MCTP1: variants seen among roughly 807,000 people sequenced by gnomAD.
The protein encoded by MCTP1 is multiple C2 and transmembrane domain-containing protein 1.
Under a neutral mutation model 120.6 loss-of-function variants are expected in MCTP1, and 69 were observed. That is an observed-to-expected ratio of 0.57 (90% CI 0.47 to 0.70). The LOEUF is 0.70. MCTP1 is among the 30% of genes least tolerant of loss of function. The pLI is 0.00. For synonymous variants in MCTP1, 529 were observed against 493.1 expected (o/e 1.07, Z -0.96); for missense variants, 1,203 against 1,248.8 (o/e 0.96, Z 0.55).
chr5:95,179,261 G>A (rs1378460297), intron 1 of MCTP1, among the ~76,000 whole-genome samples: 1 of 152,154 alleles, frequency 6.6e-6, no homozygotes, highest in Non-Finnish European at 1.5e-5. Flanking sequence ...ACACATTTCA[G>A]GGAATAATCA....
chr5:95,232,498 G>A (rs1052442070), intron 1 of MCTP1, among the ~76,000 whole-genome samples: 12 of 139,602 alleles, frequency 8.6e-5, no homozygotes, highest in South Asian at 4.4e-4. Context: ...TCCCTCTGTC[G>A]CCCAGGCTGG....
chr5:94,709,243 G>A (rs1755858362), intron 21 of MCTP1: 2 of 151,942 alleles, frequency 1.3e-5, no homozygotes, highest in Admixed American at 1.3e-4. Context: ...ATAAACTTCT[G>A]GAATCTTGAT....
chr5:95,002,930 C>A (rs147398434), intron 2 of MCTP1, among the ~76,000 whole-genome samples: 3 of 152,148 alleles, frequency 2.0e-5, no homozygotes, highest in African/African-American at 7.2e-5. Flanking sequence ...TCCCATAATC[C>A]CCACATGTCA....
chr5:95,241,247 C>G (rs183435067), intron 1 of MCTP1, among the ~76,000 whole-genome samples: 2 of 152,230 alleles, frequency 1.3e-5, no homozygotes, highest in African/African-American at 4.8e-5. Context: ...AATGTGCATC[C>G]AAAACATTGA....
intron 17 of MCTP1, among the ~76,000 whole-genome samples, chr5:94,808,093 C>T (rs1782714587): frequency 6.6e-6 from 1 of 152,108 alleles, no homozygotes; most frequent in Non-Finnish European, 1.5e-5. Flanking sequence ...TGCCCATTTA[C>T]ACTCACTCAA....
intron 1 of MCTP1, among the ~76,000 whole-genome samples, chr5:95,095,172 C>T (rs1351060324): frequency 7.3e-5 from 11 of 150,462 alleles, no homozygotes; most frequent in African/African-American, 2.4e-4. Flanking sequence ...TACAGGCGCC[C>T]GCTACCACGC....
chr5:95,010,976 C>T (rs1835817605), intron 2 of MCTP1, among the ~76,000 whole-genome samples: 1 of 152,120 alleles, frequency 6.6e-6, no homozygotes, highest in South Asian at 2.1e-4. Context: ...TACATTGAGG[C>T]TTTGCACTTT....
intron 1 of MCTP1, among the ~76,000 whole-genome samples, chr5:95,101,856 C>T (rs1412535555): frequency 6.6e-6 from 1 of 152,166 alleles, no homozygotes; most frequent in East Asian, 1.9e-4. Context: ...TAAAGAGCTT[C>T]AGTGCTTTCC....
intron 17 of MCTP1, among the ~76,000 whole-genome samples, chr5:94,864,700 C>T (rs1362364702): frequency 6.6e-6 from 1 of 151,918 alleles, no homozygotes; most frequent in Non-Finnish European, 1.5e-5. Flanking sequence ...GATGGTACCA[C>T]AAATTATCTA....
intron 1 of MCTP1, among the ~76,000 whole-genome samples, chr5:95,188,528 A>G (rs1582478482): frequency 6.6e-6 from 1 of 152,338 alleles, no homozygotes; most frequent in East Asian, 1.9e-4. Flanking sequence ...AAACCCATTG[A>G]TATACACACA....
At chr5:94,825,699 A>G (rs929174727) in intron 17 of MCTP1, among the ~76,000 whole-genome samples, 5 of 151,996 alleles carry the variant, frequency 3.3e-5, no homozygotes, top group African/African-American at 1.2e-4. Context: ...GTCTCTAAGA[A>G]CTTACTTTAT....
intron 17 of MCTP1, among the ~76,000 whole-genome samples, chr5:94,850,178 C>T (rs114124217): frequency 0.023 from 3,427 of 152,132 alleles, 128 homozygotes; most frequent in African/African-American, 0.079. Context: ...CAGAAAGAGG[C>T]CTCATGATTT....
chr5:94,850,704 G>A (rs1176360996), intron 17 of MCTP1, among the ~76,000 whole-genome samples: 1 of 151,986 alleles, frequency 6.6e-6, no homozygotes, highest in East Asian at 1.9e-4. Context: ...TCTGAATAAT[G>A]TACATTGCTT....
At chr5:94,922,676 C>T (rs1052387864) in intron 7 of MCTP1, among the ~76,000 whole-genome samples, 9 of 152,094 alleles carry the variant, frequency 5.9e-5, no homozygotes, top group African/African-American at 1.4e-4. Context: ...TTAGTAGAGA[C>T]GGGGCTTTGC....
intron 2 of MCTP1, among the ~76,000 whole-genome samples, chr5:95,014,550 G>A (rs893559923): frequency 3.3e-5 from 5 of 152,100 alleles, no homozygotes; most frequent in South Asian, 2.1e-4. Context: ...TCTTGAGAAC[G>A]AATCTTCTCA....
intron 12 of MCTP1, among the ~76,000 whole-genome samples, chr5:94,876,467 C>T (rs1371666192): frequency 6.6e-5 from 10 of 152,014 alleles, no homozygotes; most frequent in African/African-American, 2.4e-4. Context: ...TACCGTGTGG[C>T]TAGAAGTGCA....
chr5:95,233,822 C>T (rs1755234374), intron 1 of MCTP1, among the ~76,000 whole-genome samples: 1 of 151,984 alleles, frequency 6.6e-6, no homozygotes, highest in African/African-American at 2.4e-5. Context: ...TCAGCTATCA[C>T]ATTTGTAAAT....
intron 17 of MCTP1, among the ~76,000 whole-genome samples, chr5:94,827,430 T>C (rs1787404135): frequency 6.6e-6 from 1 of 152,196 alleles, no homozygotes; most frequent in Non-Finnish European, 1.5e-5. Flanking sequence ...CCTTGGTGAA[T>C]CTGACAATTA....
chr5:94,910,189 C>T (rs573460713), intron 9 of MCTP1, among the ~76,000 whole-genome samples: 16 of 144,244 alleles, frequency 1.1e-4, no homozygotes, highest in East Asian at 4.0e-4. Flanking sequence ...TGTATGTGTG[C>T]ATACATATAT....
Sources: gnomAD v4.1 joint callset for allele counts (sites outside exome capture counted in the v4.1 genomes callset) on GRCh38, gnomAD v4.1.1 for gene constraint, MANE v1.5 for transcripts, NCBI Gene and HGNC (gene_info 2026-07-23, HGNC 2026-07-21) for gene names.